DMD: variants seen among roughly 807,000 people sequenced by gnomAD.
DMD encodes dystrophin.
A neutral mutation model predicts 330.1 loss-of-function variants in DMD; 63 were observed. The ratio of observed to expected loss-of-function variants is 0.19; its 90% CI spans 0.16 to 0.24. DMD has a LOEUF of 0.24. Ranked by LOEUF, DMD falls within the 10% of genes least tolerant of loss-of-function variation. The probability of loss-of-function intolerance (pLI) is 1.00; values close to 1 mark genes in which losing one functional copy is unlikely to be tolerated. For synonymous variants in DMD, 1,223 were observed against 959.8 expected (o/e 1.27, Z -5.07); for missense variants, 3,344 against 2,684.1 (o/e 1.25, Z -5.43).
At chrX:33,136,527 A>G (rs1361025029) in intron 1 of DMD, among the ~76,000 whole-genome samples, 1 of 109,183 alleles carries the variant, frequency 9.2e-6, no homozygotes, top group Non-Finnish European at 1.9e-5. Context: ...ATTCATATGT[A>G]GAAACATAAT....
In DMD at chrX:32,346,008, C is replaced by G; in HGVS notation, c.5521G>C (p.Glu1841Gln). The G allele has an allele frequency of 6.6e-6, 8 of 1,209,556 alleles. No homozygotes were observed. The highest frequency in any genetic ancestry group is 8.9e-6 in the Non-Finnish European group (8 of 894,056). The change falls in exon 39 of 79, where the codon GAG becomes CAG. Residue 1841 changes from glutamate to glutamine, a missense_variant. Physicochemically the swap from Glu to Gln is conservative, Grantham distance 29. Transcript: ENST00000357033. ...GDNLQQRITD[E>Q]RKREEIKIKQ... is the part of the protein sequence containing the mutation. ...ATCTTTATTTCCTCTCGCTTTCTCT[C>G]ATCTGTGATTCTTTGTTGTAAGTTG... is the stretch of plus-strand genomic sequence containing the variant.
At chrX:31,204,369 C>T (rs767636414) in intron 66 of DMD, among the ~76,000 whole-genome samples, 2 of 112,818 alleles carry the variant, frequency 1.8e-5, no homozygotes, top group Admixed American at 9.4e-5. Flanking sequence ...CAAGCTTACA[C>T]GTACCCTCGA....
chrX:32,908,343 AT>A (rs2086899209), intron 2 of DMD, among the ~76,000 whole-genome samples: 1 of 111,862 alleles, frequency 8.9e-6, no homozygotes, highest in African/African-American at 3.2e-5. Context: ...AGTCTTCCAA[AT>A]TTCTGGCCTA....
chrX:32,318,954 C>T lies in DMD; in HGVS notation c.5923-8678G>A, dbSNP rs1383130703. Among the ~76,000 whole-genome samples the T allele has an allele frequency of 2.7e-5, 3 of 110,836 alleles. No individual in the cohort carries two copies. The East Asian group carries it at 8.6e-4, about 32-fold the overall frequency. On this transcript the variant is annotated intron_variant, in intron 41 of 78. Coordinates refer to ENST00000357033, the MANE Select transcript of DMD (RefSeq NM_004006.3). ...GACAGACCTGCTCATTGACCTGCCT[C>T]ATGTGGATTCTGACTTTCTACACCA...
chrX:33,323,517 T>C (rs1429953371), intron 1 of DMD, among the ~76,000 whole-genome samples: 2 of 111,838 alleles, frequency 1.8e-5, no homozygotes, highest in Non-Finnish European at 3.8e-5. Context: ...TAAATGGCAG[T>C]TGAATCAAAT....
chrX:32,903,448 T>C (rs1013168178), intron 2 of DMD, among the ~76,000 whole-genome samples: 4 of 110,977 alleles, frequency 3.6e-5, no homozygotes, highest in Non-Finnish European at 7.5e-5. Flanking sequence ...GAGGGGTTTA[T>C]TTTTATAATA....
chrX:31,302,090 C>T (rs931988452), intron 62 of DMD, among the ~76,000 whole-genome samples: 17 of 112,099 alleles, frequency 1.5e-4, no homozygotes, highest in Middle Eastern at 4.6e-3. Flanking sequence ...TCAACAATGA[C>T]AACCAAAGCA....
Position 32,563,131 on chromosome X carries a change from G to A in DMD, c.1992+2571C>T, listed in dbSNP as rs760792706. ...CGAAGTGGGAGGATCACAAGGTCAG[G>A]AGATCGAGACCACCCTGGCCAACAT... On this transcript the variant is annotated intron_variant, in intron 16 of 78. Transcript: ENST00000357033. Among the ~76,000 whole-genome samples the A allele has an allele frequency of 8.2e-5, 9 of 110,066 alleles. No individual in the cohort carries two copies. In the South Asian group the frequency reaches 3.5e-3, roughly 43 times the overall value.
At chrX:31,172,519 G>T (rs1447188484) in intron 72 of DMD, 106 bp from the exon 73 acceptor site, 2 of 642,477 alleles carry the variant, frequency 3.1e-6, no homozygotes, top group African/African-American at 2.2e-5. Context: ...ATGGCAAGAA[G>T]AGAAAGGAAT....
At chrX:31,905,609 A>G (rs2094468959) in intron 47 of DMD, among the ~76,000 whole-genome samples, 1 of 110,797 alleles carries the variant, frequency 9.0e-6, no homozygotes, top group African/African-American at 3.3e-5. Flanking sequence ...CAGAAATTAA[A>G]AAAAAAGGAA....
intron 21 of DMD, among the ~76,000 whole-genome samples, chrX:32,484,300 T>C (rs2042209754): frequency 1.8e-5 from 2 of 112,179 alleles, no homozygotes; most frequent in African/African-American, 6.5e-5. Flanking sequence ...ATTAACATCA[T>C]CTTATTAAAG....
chrX:33,230,019 A>G (rs975617990), intron 1 of DMD, among the ~76,000 whole-genome samples: 2 of 112,078 alleles, frequency 1.8e-5, no homozygotes, highest in African/African-American at 6.5e-5. Context: ...ATTGTCTGCT[A>G]TGCATGTGAT....
intron 32 of DMD, among the ~76,000 whole-genome samples, chrX:32,387,285 T>C (rs1205306796): frequency 9.0e-6 from 1 of 111,258 alleles, no homozygotes; most frequent in Non-Finnish European, 1.9e-5. Flanking sequence ...GTCTTAATTT[T>C]GCTTTGTAGT....
intron 55 of DMD, among the ~76,000 whole-genome samples, chrX:31,548,801 A>AT (rs1385482814): frequency 1.8e-5 from 2 of 109,577 alleles, no homozygotes; most frequent in African/African-American, 3.3e-5. Context: ...CTAGAAAATC[A>AT]TTTTTTTTCA....
intron 7 of DMD, among the ~76,000 whole-genome samples, chrX:32,705,352 A>C (rs2064522966): frequency 8.9e-6 from 1 of 112,449 alleles, no homozygotes; most frequent in Non-Finnish European, 1.9e-5. Context: ...GCGTTGATGA[A>C]GATGATTGAA....
chrX:32,919,159 T>TCA, intron 2 of DMD, among the ~76,000 whole-genome samples: 1 of 111,981 alleles, frequency 8.9e-6, no homozygotes, highest in Non-Finnish European at 1.9e-5. Context: ...ATGGAGATCA[T>TCA]CAAAGACCCT....
rs76681558 is a variant in DMD at position 33,338,460 on chromosome X, AAAATAAAT to A, written c.7+791_7+798del. On this transcript the variant is annotated intron_variant, in intron 1 of 17. Coordinates refer to the DMD transcript ENST00000288447. ...TGTAAGACAAAACTCATTAAAGGGC[AAAATAAAT>A]AAATAAATAAATAAATAAATAAATA... Among the ~76,000 whole-genome samples, 427 of 102,234 alleles carry A rather than the reference AAAATAAAT, an allele frequency of 4.2e-3. 7 individuals carry two copies. The East Asian group carries it at 0.055, about 13-fold the overall frequency. 88.8% of individuals were successfully genotyped at this position (102,234 alleles called of 115,157 possible). A position where few individuals can be genotyped will look rare whatever the true frequency, so the allele number is the denominator to read the frequency against.
intron 7 of DMD, among the ~76,000 whole-genome samples, chrX:32,747,608 G>A (rs1045721368): frequency 3.6e-5 from 4 of 111,593 alleles, no homozygotes; most frequent in Admixed American, 1.9e-4. Context: ...CCGCCTCAGC[G>A]TCCCGAATAG....
At position 31,480,554 on chromosome X, in the gene DMD, T is replaced by TGTGTGTG. The variant is rs2068187657; in HGVS notation, c.8548-1452_8548-1451insCACACAC. Among the ~76,000 whole-genome samples, 8 of 91,343 alleles carry TGTGTGTG rather than the reference T, an allele frequency of 8.8e-5. No individual in the cohort carries two copies. In the East Asian group the frequency reaches 2.7e-3, roughly 31 times the overall value. 79.3% of individuals were successfully genotyped at this position (91,343 alleles called of 115,157 possible). On this transcript the variant is annotated intron_variant, in intron 57 of 78. Transcript: ENST00000357033. ...GATATTTCACTTGAAATCTCCATGT[T>TGTGTGTG]TGTGTGTGTGTGTGTGTGTGTGTGT...
Sources: allele counts gnomAD v4.1 joint callset (sites outside exome capture counted in the v4.1 genomes callset), GRCh38; gene constraint gnomAD v4.1.1; transcripts MANE v1.5; gene names NCBI Gene and HGNC (gene_info 2026-07-23, HGNC 2026-07-21).